PRKN: variants seen among roughly 807,000 people sequenced by gnomAD.
The protein encoded by PRKN is parkin RBR E3 ubiquitin protein ligase, also known as E3 ubiquitin-protein ligase parkin.
A neutral mutation model predicts 59.5 loss-of-function variants in PRKN; 56 were observed. That is an observed-to-expected ratio of 0.94 (90% CI 0.76 to 1.18). The LOEUF (loss-of-function observed/expected upper bound fraction) is 1.18, where lower values mean the gene tolerates loss of function less well. Among genes scored for constraint, PRKN ranks in the 50% most tolerant of loss-of-function variants. The probability of loss-of-function intolerance (pLI) is 0.00; values close to 1 mark genes in which losing one functional copy is unlikely to be tolerated. For missense variants in PRKN, 657 were observed against 596.4 expected (o/e 1.10, Z -1.06); for synonymous variants, 250 against 222.1 (o/e 1.13, Z -1.12).
chr6:161,419,778 C>T lies in PRKN; in HGVS notation c.1084-32901G>A, dbSNP rs1256283883. Among the ~76,000 whole-genome samples the T allele has an allele frequency of 6.6e-6, 1 of 152,044 alleles. No homozygotes were observed. On this transcript the variant is annotated intron_variant, in intron 9 of 11. Coordinates refer to ENST00000366898, the MANE Select transcript of PRKN (RefSeq NM_004562.3). The surrounding 1 kb of genome is among the most constrained non-coding windows in gnomAD (Gnocchi z 4.1). ...AGTTCAGTTCTAGTCCTCCTACTTC[C>T]GACTGATAGTGGCTCTGAGTAGTTC... is the stretch of plus-strand genomic sequence containing the variant.
intron 7 of PRKN, among the ~76,000 whole-genome samples, chr6:161,753,935 G>A (rs1481982149): frequency 6.6e-6 from 1 of 152,210 alleles, no homozygotes; most frequent in Non-Finnish European, 1.5e-5. Flanking sequence ...CAGAGGGTAA[G>A]CTATGAAGAG....
Position 161,349,466 on chromosome 6 carries a change from A to G in PRKN, c.*633T>C, listed in dbSNP as rs999729613. 4.7e-5 allele frequency: 11 copies of G among 232,108 alleles called. No individual in the cohort carries two copies. Among genetic ancestry groups the G allele is most frequent in the Non-Finnish European group, 6.8e-5 (8 of 117,476 alleles). 14.4% of individuals were successfully genotyped at this position (232,108 alleles called of 1,614,324 possible). Reference sequence around the variant, plus strand: ...ATTTACGCATAGTTGGTATTTCATTAATGCGATTTATATAGATGGAATTCT... The same window carrying G: ...ATTTACGCATAGTTGGTATTTCATTGATGCGATTTATATAGATGGAATTCT... On this transcript the variant is annotated 3_prime_UTR_variant, in exon 12 of 12. Coordinates refer to ENST00000366898, the MANE Select transcript of PRKN (RefSeq NM_004562.3). This position sits in a 1 kb window ranked among gnomAD's most constrained non-coding sequence, Gnocchi z 5.5.
At chr6:161,945,532 G>T (rs1779746990) in intron 6 of PRKN, among the ~76,000 whole-genome samples, 1 of 152,088 alleles carries the variant, frequency 6.6e-6, no homozygotes, top group African/African-American at 2.4e-5. Flanking sequence ...CCCACTATAT[G>T]CCAAATAAGC....
intron 1 of PRKN, among the ~76,000 whole-genome samples, chr6:162,553,479 G>C (rs1354803756): frequency 1.3e-5 from 2 of 148,224 alleles, no homozygotes; most frequent in African/African-American, 5.0e-5. Context: ...TACTGACAAG[G>C]AGGGAAGAGC....
chr6:162,570,052 T>C (rs1171190583), intron 1 of PRKN, among the ~76,000 whole-genome samples: 1 of 152,196 alleles, frequency 6.6e-6, no homozygotes, highest in Non-Finnish European at 1.5e-5. Flanking sequence ...TTGCAAACCC[T>C]GCCAGGGGAT....
At chr6:162,575,271 C>A (rs1228162782) in intron 1 of PRKN, among the ~76,000 whole-genome samples, 1 of 152,152 alleles carries the variant, frequency 6.6e-6, no homozygotes, top group African/African-American at 2.4e-5. Context: ...TTCTTCACCT[C>A]TTCATTGCTT....
rs117822057 is a variant in PRKN at position 161,699,190 on chromosome 6, C to T, written c.871+86582G>A. ...TAAAACCACACCTATTAGAATAAAA[C>T]CAAAATTTAAAACATGAAGCATATC... On this transcript the variant is annotated intron_variant, in intron 7 of 11. Transcript: ENST00000366898. 1.6e-3 allele frequency among the ~76,000 whole-genome samples: 238 copies of T among 152,056 alleles called. 5 individuals are homozygous for T. The East Asian group carries it at 0.03, about 19-fold the overall frequency.
chr6:162,643,405 A>AAAAG (rs1778040854), intron 1 of PRKN, among the ~76,000 whole-genome samples: 1 of 149,944 alleles, frequency 6.7e-6, no homozygotes. Flanking sequence ...CTCAAAAAAA[A>AAAAG]AAAAAAAAAA....
At chr6:162,151,805 A>AT (rs1230157869) in intron 4 of PRKN, among the ~76,000 whole-genome samples, 4 of 152,270 alleles carry the variant, frequency 2.6e-5, no homozygotes, top group Admixed American at 2.0e-4. Flanking sequence ...GTAATAATCA[A>AT]TTTTTTTATT....
chr6:162,470,073 C>G (rs948796430), intron 1 of PRKN, among the ~76,000 whole-genome samples: 2 of 152,054 alleles, frequency 1.3e-5, no homozygotes, highest in African/African-American at 2.4e-5. Context: ...TCAGTGCTGT[C>G]CTGCGAAAGT....
At chr6:162,084,280 T>C (rs1210717501) in intron 4 of PRKN, among the ~76,000 whole-genome samples, 3 of 152,144 alleles carry the variant, frequency 2.0e-5, no homozygotes, top group African/African-American at 4.8e-5. Flanking sequence ...AATCCTGTAA[T>C]CTCTTTAAAT....
At chr6:161,412,632 G>T (rs1403117069) in intron 9 of PRKN, among the ~76,000 whole-genome samples, 1 of 99,738 alleles carries the variant, frequency 1.0e-5, no homozygotes, top group Admixed American at 1.0e-4. Flanking sequence ...TCATTCCTCG[G>T]CTCACTCATT....
intron 1 of PRKN, among the ~76,000 whole-genome samples, chr6:162,452,933 T>A (rs1790694645): frequency 6.6e-6 from 1 of 152,098 alleles, no homozygotes; most frequent in South Asian, 2.1e-4. Context: ...AAGGCAGGGA[T>A]GACAATATTA....
At position 161,933,116 on chromosome 6, in the gene PRKN, C is replaced by T. The variant is rs187654395; in HGVS notation, c.734+40186G>A. Among the ~76,000 whole-genome samples, 166 of 152,070 alleles carry T rather than the reference C, an allele frequency of 1.1e-3. 1 individual carries two copies. Among genetic ancestry groups the T allele is most frequent in the Non-Finnish European group, 1.9e-3 (128 of 67,986 alleles). ...CTAACATGGTGAAAGCCCATCTCTA[C>T]TAAAAATAAAAAAGTTAGCTAGGTG... On this transcript the variant is annotated intron_variant, in intron 6 of 11. Coordinates refer to ENST00000366898, the MANE Select transcript of PRKN (RefSeq NM_004562.3).
At chr6:162,064,059 C>T (rs1778222838) in intron 4 of PRKN, among the ~76,000 whole-genome samples, 1 of 152,176 alleles carries the variant, frequency 6.6e-6, no homozygotes, top group African/African-American at 2.4e-5. Context: ...TGGGGTCTCA[C>T]ATAGTGGCAG....
chr6:161,506,060 A>G (rs953560032), intron 9 of PRKN, among the ~76,000 whole-genome samples: 3 of 151,038 alleles, frequency 2.0e-5, no homozygotes, highest in African/African-American at 7.3e-5. Flanking sequence ...CAATTCTGTG[A>G]AGAAAGTCAT....
chr6:162,065,952 T>C (rs1158544673), intron 4 of PRKN, among the ~76,000 whole-genome samples: 1 of 152,232 alleles, frequency 6.6e-6, no homozygotes. Context: ...TGCCACATTT[T>C]CTTATTCCAG....
chr6:162,703,303 C>A (rs1317952809), intron 1 of PRKN, among the ~76,000 whole-genome samples: 8 of 152,168 alleles, frequency 5.3e-5, no homozygotes, highest in African/African-American at 1.9e-4. Context: ...ACTTTTAATA[C>A]ATGTAAAATA....
intron 7 of PRKN, among the ~76,000 whole-genome samples, chr6:161,751,085 T>C (rs1000714327): frequency 6.6e-6 from 1 of 152,196 alleles, no homozygotes; most frequent in Non-Finnish European, 1.5e-5. Context: ...TCATAAATAA[T>C]ACATACTGGT....
Sources: allele counts gnomAD v4.1 joint callset (sites outside exome capture counted in the v4.1 genomes callset), GRCh38; gene constraint gnomAD v4.1.1; non-coding constraint Gnocchi (gnomAD v3.1); transcripts MANE v1.5; gene names NCBI Gene and HGNC (gene_info 2026-07-23, HGNC 2026-07-21).